Variants in HMCN1 observed in about 807,000 individuals in gnomAD.
The protein encoded by HMCN1 is hemicentin 1.
In HMCN1, 321 loss-of-function variants were observed where a neutral mutation model predicts 625.9. The observed-to-expected ratio is 0.51, with a 90% confidence interval of 0.47 to 0.56. The LOEUF (loss-of-function observed/expected upper bound fraction) is 0.56, where lower values mean the gene tolerates loss of function less well. Among genes scored for constraint, HMCN1 ranks in the 20% least tolerant of loss-of-function variants. HMCN1 has a pLI of 0.00. For synonymous variants in HMCN1, 2,425 were observed against 2,417.6 expected, an observed-to-expected ratio of 1.00 and a Z score of -0.09; for missense variants, 6,588 against 6,887.3, an observed-to-expected ratio of 0.96 and a Z score of 1.54.
At chr1:186,029,975 T>G (rs981243476) in intron 36 of HMCN1, among the ~76,000 whole-genome samples, 3 of 152,124 alleles carry the variant, frequency 2.0e-5, no homozygotes, top group Non-Finnish European at 1.5e-5. Flanking sequence ...CTCTGACCAA[T>G]AGTTATTTAG....
chr1:185,868,004 G>A (rs1457695159), intron 4 of HMCN1, among the ~76,000 whole-genome samples: 2 of 152,006 alleles, frequency 1.3e-5, no homozygotes, highest in African/African-American at 2.4e-5. Flanking sequence ...GGGAGGTGGA[G>A]GTTGCAGTGA....
intron 78 of HMCN1, 124 bp from the exon 79 acceptor site, chr1:186,119,621 T>C: frequency 9.7e-7 from 1 of 1,027,248 alleles, no homozygotes; most frequent in Non-Finnish European, 1.5e-6. Context: ...CACTTTTCTC[T>C]TGGGCAATCA....
intron 4 of HMCN1, among the ~76,000 whole-genome samples, chr1:185,874,388 G>A (rs930597610): frequency 6.6e-6 from 1 of 151,980 alleles, no homozygotes; most frequent in Non-Finnish European, 1.5e-5. Context: ...AAGAGTCAAA[G>A]TACAGGAAAT....
intron 14 of HMCN1, among the ~76,000 whole-genome samples, chr1:185,967,146 T>G (rs1650462782): frequency 6.6e-6 from 1 of 152,190 alleles, no homozygotes; most frequent in Non-Finnish European, 1.5e-5. Flanking sequence ...TATTTCTTTA[T>G]TTTAAATGTC....
In HMCN1 at chr1:186,053,835, G is replaced by C; in HGVS notation, c.6711G>C (p.Val2237=). 1 of 1,612,546 alleles carries C rather than the reference G, an allele frequency of 6.2e-7. No homozygotes were observed. The highest frequency in any genetic ancestry group is 1.3e-5 in the African/African-American group (1 of 74,938). ...TGGACTTCTTTGTAGGCTCTCCAGTGCTGACTGATTCCATGGGGCGAGTTA... is the reference window on the plus strand; with the variant it reads ...TGGACTTCTTTGTAGGCTCTCCAGTCCTGACTGATTCCATGGGGCGAGTTA... ...NLIWKKKGSP[V]LTDSMGRVRI... The change falls in exon 44 of 107, where the codon GTG becomes GTC. Residue 2237 remains valine, a synonymous_variant. Coordinates refer to ENST00000271588, the MANE Select transcript of HMCN1 (RefSeq NM_031935.3).
chr1:185,965,530 T>C (rs1440498694), intron 13 of HMCN1, among the ~76,000 whole-genome samples: 1 of 152,102 alleles, frequency 6.6e-6, no homozygotes, highest in African/African-American at 2.4e-5. Context: ...TAAAGAACTT[T>C]CGATTAGTTT....
At chr1:186,030,494 A>G (rs1002128497) in intron 36 of HMCN1, among the ~76,000 whole-genome samples, 1 of 152,056 alleles carries the variant, frequency 6.6e-6, no homozygotes, top group Non-Finnish European at 1.5e-5. Flanking sequence ...TGATGTTAGT[A>G]TAGCCCCTGC....
chr1:185,824,227 T>C (rs893123860), intron 1 of HMCN1, among the ~76,000 whole-genome samples: 1 of 152,190 alleles, frequency 6.6e-6, no homozygotes, highest in Non-Finnish European at 1.5e-5. Context: ...TTTAAGATGC[T>C]AGTAAGTGGT....
intron 11 of HMCN1, among the ~76,000 whole-genome samples, chr1:185,938,715 A>G (rs1324972874): frequency 6.6e-6 from 1 of 151,842 alleles, no homozygotes; most frequent in East Asian, 1.9e-4. Flanking sequence ...CTTCACCATC[A>G]CTTTAACAGA....
At chr1:185,819,218 CAA>C (rs1384860914) in intron 1 of HMCN1, among the ~76,000 whole-genome samples, 1 of 147,836 alleles carries the variant, frequency 6.8e-6, no homozygotes, top group African/African-American at 2.5e-5. Flanking sequence ...GCCTGGGCAA[CAA>C]GAGCGAATCT....
chr1:185,827,025 A>T (rs1660559260), intron 1 of HMCN1, among the ~76,000 whole-genome samples: 1 of 152,040 alleles, frequency 6.6e-6, no homozygotes, highest in Non-Finnish European at 1.5e-5. Flanking sequence ...AAATAAAAAA[A>T]ATTGGCTGGG....
At chr1:186,098,833 C>A (rs1031517680) in intron 68 of HMCN1, among the ~76,000 whole-genome samples, 1 of 152,110 alleles carries the variant, frequency 6.6e-6, no homozygotes, top group Non-Finnish European at 1.5e-5. Context: ...CAATGCAGTA[C>A]TATTCAGCCA....
chr1:185,993,358 A>G, intron 23 of HMCN1, 49 bp downstream of exon 23: 1 of 1,599,302 alleles, frequency 6.3e-7, no homozygotes, highest in Non-Finnish European at 8.6e-7. Flanking sequence ...CTGGCCACAC[A>G]AAAACCCGTA....
intron 30 of HMCN1, among the ~76,000 whole-genome samples, chr1:186,011,782 T>C (rs755966504): frequency 6.6e-6 from 1 of 152,194 alleles, no homozygotes; most frequent in Non-Finnish European, 1.5e-5. Flanking sequence ...ACTACCATGG[T>C]ATATAGTTTG....
At chr1:186,107,477 T>A (rs1660663751) in intron 70 of HMCN1, among the ~76,000 whole-genome samples, 1 of 152,258 alleles carries the variant, frequency 6.6e-6, no homozygotes, top group Admixed American at 6.5e-5. Context: ...ATAAATGTTT[T>A]GTCACAAAAA....
At chr1:185,951,899 G>T (rs1323392035) in intron 11 of HMCN1, among the ~76,000 whole-genome samples, 1 of 151,752 alleles carries the variant, frequency 6.6e-6, no homozygotes, top group African/African-American at 2.4e-5. Flanking sequence ...TTCTGTTATT[G>T]TACACCTTGA....
intron 11 of HMCN1, among the ~76,000 whole-genome samples, chr1:185,960,682 A>G (rs371734160): frequency 1.3e-4 from 20 of 152,348 alleles, no homozygotes; most frequent in African/African-American, 4.8e-4. Context: ...TTTCTGGCAG[A>G]CTACATTGGA....
At chr1:186,188,738 A>G (rs948447519) in intron 106 of HMCN1, among the ~76,000 whole-genome samples, 12 of 152,182 alleles carry the variant, frequency 7.9e-5, no homozygotes, top group Admixed American at 5.2e-4. Flanking sequence ...AGCATAGTCA[A>G]GTGTGGACTG....
intron 97 of HMCN1, among the ~76,000 whole-genome samples, chr1:186,161,433 A>G (rs1322617267): frequency 6.6e-6 from 1 of 151,812 alleles, no homozygotes; most frequent in Non-Finnish European, 1.5e-5. Flanking sequence ...TAAAGTTAAT[A>G]TTGTTATGTG....
Sources: gnomAD v4.1 joint callset for allele counts (sites outside exome capture counted in the v4.1 genomes callset) on GRCh38, gnomAD v4.1.1 for gene constraint, MANE v1.5 for transcripts, NCBI Gene and HGNC (gene_info 2026-07-23, HGNC 2026-07-21) for gene names.